The following ANO8 variants were observed in gnomAD, a reference collection of about 807,000 sequenced individuals.
ANO8 encodes the protein anoctamin-8.
ANO8 carries 67 observed loss-of-function variants against 120.4 expected under a neutral mutation model. That is an observed-to-expected ratio of 0.56 (90% CI 0.46 to 0.68). ANO8 has a LOEUF of 0.68. Among genes scored for constraint, ANO8 ranks in the 30% least tolerant of loss-of-function variants. The probability of loss-of-function intolerance (pLI) is 0.00; values close to 1 mark genes in which losing one functional copy is unlikely to be tolerated. For synonymous variants in ANO8, 727 were observed against 759.2 expected, an observed-to-expected ratio of 0.96 and a Z score of 0.70; for missense variants, 1,526 against 1,737.6, an observed-to-expected ratio of 0.88 and a Z score of 2.16.
In ANO8 at chr19:17,325,277, GA is replaced by G; in HGVS notation, c.2770del (p.Ser924LeufsTer53). ...GGCCCTCGCCTCCTCTCGGCCACCA[GA>G]ATCATGCTCCCGCCGGGCATGGTGC... Reference protein sequence around the residue: ...AEHHARREHDSGGREEARAEG... With the variant: ...AEHHARREHDXGGREEARAEG... On this transcript the variant is annotated frameshift_variant, in exon 17 of 18. Transcript: ENST00000159087. LOFTEE classifies it high-confidence loss of function. 6.2e-7 allele frequency: 1 copy of G among 1,607,856 alleles called. No individual in the cohort carries two copies. Among genetic ancestry groups the G allele is most frequent in the Non-Finnish European group, 8.5e-7 (1 of 1,179,840 alleles).
chr19:17,330,302 A>G, intron 9 of ANO8, 50 bp downstream of exon 9: 3 of 1,612,898 alleles, frequency 1.9e-6, no homozygotes. Flanking sequence ...GCTCAGCCCA[A>G]GGTGGAGCTA....
chr19:17,328,574 C>G lies in ANO8; in HGVS notation c.1814G>C (p.Gly605Ala), dbSNP rs530870637. ...EEEDEEEGEE[G>A]GLLDCGLRLK... ...CCGGAGCCCGCAGTCCAGGAGGCCCCCTTCCTCGCCCTCCTCCTCGTCCTC... is the reference window on the plus strand; with the variant it reads ...CCGGAGCCCGCAGTCCAGGAGGCCCGCTTCCTCGCCCTCCTCCTCGTCCTC... The change falls in exon 13 of 18, where the codon GGG becomes GCG. Residue 605 changes from glycine (G) to alanine (A), a missense_variant. Physicochemically the swap from Gly to Ala is moderately conservative, Grantham distance 60. Around this residue, in one of 8 missense-constraint regions of ANO8, gnomAD observed 467 missense variants for 425.8 expected, o/e 1.10. Transcript: ENST00000159087. The G allele has an allele frequency of 6.5e-7, 1 of 1,546,986 alleles. No homozygotes were observed. The highest frequency in any genetic ancestry group is 2.0e-5 in the Admixed American group (1 of 50,936).
Position 17,327,321 on chromosome 19 carries a change from G to A in ANO8, c.2575C>T (p.Leu859Phe). 6.5e-7 allele frequency: 1 copy of A among 1,550,342 alleles called. No individual in the cohort carries two copies. The change falls in exon 16 of 18, where the codon CTC becomes TTC. Residue 859 changes from leucine to phenylalanine, a missense_variant. Around this residue, in one of 8 missense-constraint regions of ANO8, gnomAD observed 489 missense variants for 548.6 expected, o/e 0.89. Coordinates refer to ENST00000159087, the MANE Select transcript of ANO8 (RefSeq NM_020959.3). ...LEHFALLLKY[L>F]IHVAIPDIPG... ...ATATCGGGGATGGCCACGTGGATGA[G>A]GTACTTGAGGAGCAGAGCGAAGTGC...
chr19:17,328,255 C>T lies in ANO8; in HGVS notation c.2133G>A (p.Arg711=), dbSNP rs774438428. ...SNSDSTRRQR[R]QNRSSWIDPP... The stretch of plus-strand genomic sequence containing the variant: ...GGTCAATCCAAGACGACCGGTTCTG[C>T]CGTCTCTGCCTACGGGTCGAATCGC... Residue 711 remains arginine, a synonymous_variant, in exon 13 of 18, where the codon CGG becomes CGA. Coordinates refer to ENST00000159087, the MANE Select transcript of ANO8 (RefSeq NM_020959.3). The T allele has an allele frequency of 1.9e-6, 3 of 1,611,370 alleles. No homozygotes were observed. Among genetic ancestry groups the T allele is most frequent in the South Asian group, 2.2e-5 (2 of 90,988 alleles).
rs1484857205 is a variant in ANO8, at chr19:17,327,821, C to T, written c.2286G>A (p.Ser762=). ...ACAGCGCCGCCAGGGGGAAGGCGGA[C>T]GAGAAGAGCACAACGTAGCCGAACT... ...FVQFGYVVLF[S]SAFPLAALCA... is the part of the protein sequence containing the mutation. Residue 762 remains serine (S), a synonymous_variant, in exon 14 of 18, where the codon TCG becomes TCA. Transcript: ENST00000159087. 1.2e-6 allele frequency: 2 copies of T among 1,614,096 alleles called. No homozygotes were observed. The highest frequency in any genetic ancestry group is 1.7e-6 in the Non-Finnish European group (2 of 1,180,032).
chr19:17,324,613 C>G (rs1215768316), intron 17 of ANO8, 104 bp downstream of exon 17: 1 of 1,485,726 alleles, frequency 6.7e-7, no homozygotes, highest in Non-Finnish European at 8.9e-7. Flanking sequence ...GGACCTAAGA[C>G]CGGGCTTCCC....
chr19:17,328,073 C>T (rs779770040), intron 13 of ANO8, 89 bp downstream of exon 13: 58 of 1,395,576 alleles, frequency 4.2e-5, no homozygotes, highest in Non-Finnish European at 4.9e-5. Flanking sequence ...CTGTTATCAC[C>T]ACTCCCACCC....
chr19:17,329,256 C>T, intron 12 of ANO8: 1 of 421,062 alleles, frequency 2.4e-6, no homozygotes, highest in Admixed American at 4.4e-5. Context: ...GTGCACTGGG[C>T]CGCGTGCGCC....
Position 17,323,309 on chromosome 19 carries a change from TTCTGTGTGTGTG to T in ANO8, c.*196_*207del, listed in dbSNP as rs2074249780. 2 of 205,536 alleles carry T rather than the reference TTCTGTGTGTGTG, an allele frequency of 9.7e-6. No homozygotes were observed. The highest frequency in any genetic ancestry group is 5.1e-5 in the East Asian group (1 of 19,670). 12.7% of individuals were successfully genotyped at this position (205,536 alleles called of 1,614,324 possible). On this transcript the variant is annotated 3_prime_UTR_variant, in exon 18 of 18. Coordinates refer to ENST00000159087, the MANE Select transcript of ANO8 (RefSeq NM_020959.3). ...TTAAAAACAAATAAATAATCGCCTG[TTCTGTGTGTGTG>T]TGTGTGTGTGTGTGTGTGTGTGTTT... is the stretch of plus-strand genomic sequence containing the variant.
At chr19:17,334,467 C>A in intron 1 of ANO8, 98 bp downstream of exon 1, 2 of 1,121,882 alleles carry the variant, frequency 1.8e-6, no homozygotes, top group Non-Finnish European at 2.5e-6. Context: ...CCAGACACCA[C>A]GCCAGGTTAC....
At chr19:17,330,063 G>A (rs776472507) in intron 10 of ANO8, 49 bp from the exon 11 acceptor site, 123 of 1,613,788 alleles carry the variant, frequency 7.6e-5, no homozygotes, top group Non-Finnish European at 1.0e-4. Context: ...CCCCCCAAGG[G>A]TGGCAGGGAT....
chr19:17,328,567 G>T lies in ANO8; in HGVS notation c.1821C>A (p.Leu607=). The change falls in exon 13 of 18, where the codon CTC becomes CTA. Residue 607 remains leucine (L), a synonymous_variant. Coordinates refer to ENST00000159087, the MANE Select transcript of ANO8 (RefSeq NM_020959.3). ...TCTTCAGCCGGAGCCCGCAGTCCAG[G>T]AGGCCCCCTTCCTCGCCCTCCTCCT... The part of the protein sequence containing the change: ...EDEEEGEEGG[L]LDCGLRLKKV... 6.5e-7 allele frequency: 1 copy of T among 1,547,726 alleles called. No homozygotes were observed. Among genetic ancestry groups the T allele is most frequent in the South Asian group, 1.2e-5 (1 of 84,030 alleles).
intron 5 of ANO8, 139 bp downstream of exon 5, chr19:17,332,791 T>C (rs1328134638): frequency 1.1e-6 from 1 of 895,570 alleles, no homozygotes; most frequent in Non-Finnish European, 1.7e-6. Context: ...CCACACCCCT[T>C]TAGCTCATTG....
At position 17,333,905 on chromosome 19, in the gene ANO8, T is replaced by A; in HGVS notation, c.107-105A>T. The A allele has an allele frequency of 1.0e-6, 1 of 954,890 alleles. No individual in the cohort carries two copies. The highest frequency in any genetic ancestry group is 1.6e-6 in the Non-Finnish European group (1 of 618,756). 59.2% of individuals were successfully genotyped at this position (954,890 alleles called of 1,614,324 possible). ...CGCCAGGGCTCCTCACCACTCCACC[T>A]GGCATTCAAGGCCCCGGGAGCTCTG... On this transcript the variant is annotated intron_variant, in intron 1 of 17. Transcript: ENST00000159087. This position sits in a 1 kb window ranked among gnomAD's most constrained non-coding sequence, Gnocchi z 7.2.
At chr19:17,330,580 C>T (rs2145689315) in intron 8 of ANO8, 76 bp from the exon 9 acceptor site, 1 of 1,450,438 alleles carries the variant, frequency 6.9e-7, no homozygotes, top group Non-Finnish European at 9.1e-7. Flanking sequence ...TCCCTATCCT[C>T]AGAACTCAAT....
rs142385187 is a variant in ANO8 at position 17,323,311 on chromosome 19, C to CTCTG, written c.*205_*206insCAGA. 2.1e-5 allele frequency: 7 copies of CTCTG among 327,488 alleles called. No individual in the cohort carries two copies. The highest frequency in any genetic ancestry group is 3.9e-5 in the Non-Finnish European group (7 of 180,456). 20.3% of individuals were successfully genotyped at this position (327,488 alleles called of 1,614,324 possible). ...AAAAACAAATAAATAATCGCCTGTTCTGTGTGTGTGTGTGTGTGTGTGTGT... is the reference window on the plus strand; with the variant it reads ...AAAAACAAATAAATAATCGCCTGTTCTCTGTGTGTGTGTGTGTGTGTGTGTGTGT... On this transcript the variant is annotated 3_prime_UTR_variant, in exon 18 of 18. Coordinates refer to ENST00000159087, the MANE Select transcript of ANO8 (RefSeq NM_020959.3).
intron 5 of ANO8, among the ~76,000 whole-genome samples, chr19:17,332,179 C>T (rs1170242157): frequency 6.6e-6 from 1 of 151,672 alleles, no homozygotes; most frequent in African/African-American, 2.4e-5. Flanking sequence ...TCGTGATACG[C>T]CCGCCTCAGC....
rs1332956163 is a variant in ANO8, at chr19:17,333,247, G to C, written c.351-8C>G. On this transcript the variant is annotated splice_polypyrimidine_tract_variant and splice_region_variant and intron_variant, in intron 3 of 17. Transcript: ENST00000159087. This position sits in a 1 kb window ranked among gnomAD's most constrained non-coding sequence, Gnocchi z 7.2. The stretch of plus-strand genomic sequence containing the variant: ...TCGGCCCCTCGGAGTAGGCTGTGAA[G>C]AAGGCGGAGGAGGTGGGCTCACAGG... 2.8e-5 allele frequency: 45 copies of C among 1,606,114 alleles called. No individual in the cohort carries two copies. The highest frequency in any genetic ancestry group is 3.4e-5 in the Non-Finnish European group (40 of 1,174,686).
rs2074348389 is a variant in ANO8 at position 17,334,617 on chromosome 19, G to A, written c.54C>T (p.Gly18=). 1 of 1,527,398 alleles carries A rather than the reference G, an allele frequency of 6.5e-7. No homozygotes were observed. The allele number at this position is 1,527,398 out of a possible 1,614,324, so 94.6% of individuals were successfully genotyped here. A position where few individuals can be genotyped will look rare whatever the true frequency, so the allele number is the denominator to read the frequency against. The change falls in exon 1 of 18, where the codon GGC becomes GGT. Residue 18 remains glycine, a synonymous_variant. Coordinates refer to ENST00000159087, the MANE Select transcript of ANO8 (RefSeq NM_020959.3). The stretch of plus-strand genomic sequence containing the variant: ...GCTCGCCCTCCGGCGGGGGCCTCTT[G>A]CCACGCTCGCCCTCCAGGGACGTGC... ...AGGTSLEGER[G]KRPPPEGEPA...
Sources: allele counts gnomAD v4.1 joint callset (sites outside exome capture counted in the v4.1 genomes callset), GRCh38; gene constraint gnomAD v4.1.1; regional missense constraint gnomAD v4.1.1; non-coding constraint Gnocchi (gnomAD v3.1); transcripts MANE v1.5; gene names NCBI Gene and HGNC (gene_info 2026-07-23, HGNC 2026-07-21).